The following MCEMP1 variants were observed in gnomAD, a reference collection of about 807,000 sequenced individuals.
MCEMP1 encodes mast cell expressed membrane protein 1.
Under a neutral mutation model 27.9 loss-of-function variants are expected in MCEMP1, and 17 were observed. The ratio of observed to expected loss-of-function variants is 0.61; its 90% CI spans 0.42 to 0.91. MCEMP1 has a LOEUF of 0.91. MCEMP1 is among the 40% of genes least tolerant of loss of function. The probability of loss-of-function intolerance (pLI) is 0.00; values close to 1 mark genes in which losing one functional copy is unlikely to be tolerated. For missense variants in MCEMP1, 200 were observed against 204.8 expected, an observed-to-expected ratio of 0.98 and a Z score of 0.14; for synonymous variants, 88 against 76.9, an observed-to-expected ratio of 1.14 and a Z score of -0.76.
In MCEMP1 at chr19:7,677,163, G is replaced by T; in HGVS notation, c.43G>T (p.Ala15Ser). The change falls in exon 1 of 7, where the codon GCC becomes TCC. Residue 15 changes from alanine (A) to serine (S), a missense_variant. Transcript: ENST00000333598. The surrounding 1 kb of genome is among the most constrained non-coding windows in gnomAD (Gnocchi z 4.6). Reference sequence around the variant, plus strand: ...CAGGGACAAGAAACAGGGGGTCTCAGCCAAGAATCAAGGTTAGGGAACTCG... The same window carrying T: ...CAGGGACAAGAAACAGGGGGTCTCATCCAAGAATCAAGGTTAGGGAACTCG... ...AFRDKKQGVS[A>S]KNQGAHDPDY... is the part of the protein sequence containing the mutation. 1 of 1,591,518 alleles carries T rather than the reference G, an allele frequency of 6.3e-7. No individual in the cohort carries two copies. The highest frequency in any genetic ancestry group is 2.3e-5 in the East Asian group (1 of 43,544).
At position 7,678,235 on chromosome 19, in the gene MCEMP1, G is replaced by A. The variant is rs1260114060; in HGVS notation, c.277G>A (p.Val93Met). 6.2e-7 allele frequency: 1 copy of A among 1,613,940 alleles called. No individual in the cohort carries two copies. The highest frequency in any genetic ancestry group is 8.5e-7 in the Non-Finnish European group (1 of 1,179,996). Reference protein sequence around the residue: ...LCIILSAFIMVKNAEMSKELL... With the variant: ...LCIILSAFIMMKNAEMSKELL... ...CATCATCCTGTCAGCCTTCATCATG[G>A]TGAAGAGTGAGTACTTCTTGGGAGG... Residue 93 changes from valine (V) to methionine (M), a missense_variant, in exon 3 of 7, where the codon GTG becomes ATG. Coordinates refer to ENST00000333598, the MANE Select transcript of MCEMP1 (RefSeq NM_174918.3). This position sits in a 1 kb window ranked among gnomAD's most constrained non-coding sequence, Gnocchi z 4.8.
At position 7,677,331 on chromosome 19, in the gene MCEMP1, ACT is replaced by A. The variant is rs1356878189; in HGVS notation, c.55+159_55+160del. On this transcript the variant is annotated intron_variant, in intron 1 of 6. Transcript: ENST00000333598. This position sits in a 1 kb window ranked among gnomAD's most constrained non-coding sequence, Gnocchi z 4.6. ...AGACTGGCCTGGGCAACATAGGGAG[ACT>A]CTGTCTGTAAAAAATAAAAATAAAA... Among the ~76,000 whole-genome samples the A allele has an allele frequency of 6.6e-6, 1 of 150,472 alleles. No homozygotes were observed. The highest frequency in any genetic ancestry group is 1.5e-5 in the Non-Finnish European group (1 of 67,696).
Position 7,677,589 on chromosome 19 carries a change from C to G in MCEMP1, c.56-48C>G. 1 of 1,516,192 alleles carries G rather than the reference C, an allele frequency of 6.6e-7. No individual in the cohort carries two copies. The highest frequency in any genetic ancestry group is 1.1e-5 in the South Asian group (1 of 89,050). 93.9% of individuals were successfully genotyped at this position (1,516,192 alleles called of 1,614,324 possible). ...GGTTGGGTAAAACAAGATCCCGGAT[C>G]CACTCTCCACACCACAGAGCTCTGA... On this transcript the variant is annotated intron_variant, in intron 1 of 6. Transcript: ENST00000333598. The surrounding 1 kb of genome is among the most constrained non-coding windows in gnomAD (Gnocchi z 4.6).
chr19:7,679,296 G>A lies in MCEMP1; in HGVS notation c.*182G>A. ...GAGTTGCTCGTGTGTGTGTACACCT[G>A]CGTGCGTGTGTGTGCGTGTGTGCGC... On this transcript the variant is annotated 3_prime_UTR_variant, in exon 7 of 7. Coordinates refer to ENST00000333598, the MANE Select transcript of MCEMP1 (RefSeq NM_174918.3). The surrounding 1 kb of genome is among the most constrained non-coding windows in gnomAD (Gnocchi z 4.9). 1.4e-6 allele frequency: 1 copy of A among 731,252 alleles called. No individual in the cohort carries two copies. Among genetic ancestry groups the A allele is most frequent in the Non-Finnish European group, 2.2e-6 (1 of 448,320 alleles). 45.3% of individuals were successfully genotyped at this position (731,252 alleles called of 1,614,324 possible).
Position 7,678,869 on chromosome 19 carries a change from AG to A in MCEMP1, c.449-53del. 1 of 1,483,636 alleles carries A rather than the reference AG, an allele frequency of 6.7e-7. No individual in the cohort carries two copies. Among genetic ancestry groups the A allele is most frequent in the South Asian group, 1.2e-5 (1 of 80,562 alleles). The allele number at this position is 1,483,636 out of a possible 1,614,324, so 91.9% of individuals were successfully genotyped here. On this transcript the variant is annotated intron_variant, in intron 5 of 6. Transcript: ENST00000333598. This position sits in a 1 kb window ranked among gnomAD's most constrained non-coding sequence, Gnocchi z 4.8. The stretch of plus-strand genomic sequence containing the variant: ...CCAAGGAAGGTGGGGGCTTTGTTTG[AG>A]GCTCCACCGCAGCTTGACTTATCTG...
In MCEMP1 at chr19:7,677,691, A is replaced by T. The variant is rs1260942170; in HGVS notation, c.110A>T (p.His37Leu). Residue 37 changes from histidine to leucine, a missense_variant, in exon 2 of 7, where the codon CAT becomes CTT. Transcript: ENST00000333598. The surrounding 1 kb of genome is among the most constrained non-coding windows in gnomAD (Gnocchi z 4.6). The stretch of plus-strand genomic sequence containing the variant: ...ACCTTGGCCTTCAAAAATCAGGACC[A>T]TGCAAAGGGTGGTCATTCACGACCC... The part of the protein sequence containing the change: ...NITLAFKNQD[H>L]AKGGHSRPTS... The T allele has an allele frequency of 6.2e-7, 1 of 1,612,708 alleles. No individual in the cohort carries two copies. Among genetic ancestry groups the T allele is most frequent in the African/African-American group, 1.3e-5 (1 of 74,862 alleles).
Position 7,679,311 on chromosome 19 carries a change from C to T in MCEMP1, c.*197C>T, listed in dbSNP as rs150036277. 3.6e-3 allele frequency: 2,303 copies of T among 639,020 alleles called. 6 individuals are homozygous for T. The highest frequency in any genetic ancestry group is 4.8e-3 in the Non-Finnish European group (1,782 of 372,920). 39.6% of individuals were successfully genotyped at this position (639,020 alleles called of 1,614,324 possible). ...GTGTACACCTGCGTGCGTGTGTGTG[C>T]GTGTGTGCGCGTGTGTTCGTGTATG... On this transcript the variant is annotated 3_prime_UTR_variant, in exon 7 of 7. Coordinates refer to ENST00000333598, the MANE Select transcript of MCEMP1 (RefSeq NM_174918.3). This position sits in a 1 kb window ranked among gnomAD's most constrained non-coding sequence, Gnocchi z 4.9.
At position 7,678,302 on chromosome 19, in the gene MCEMP1, C is replaced by T. The variant is rs562965704; in HGVS notation, c.284-48C>T. On this transcript the variant is annotated intron_variant, in intron 3 of 6. Coordinates refer to ENST00000333598, the MANE Select transcript of MCEMP1 (RefSeq NM_174918.3). The surrounding 1 kb of genome is among the most constrained non-coding windows in gnomAD (Gnocchi z 4.8). ...TAGACTTTCTCCCTTGTCCTTCTCT[C>T]TCTCTCTCCCTGGGTGCTTCAAGGA... 15 of 1,613,930 alleles carry T rather than the reference C, an allele frequency of 9.3e-6. No individual in the cohort carries two copies. The East Asian group carries it at 3.3e-4, about 36-fold the overall frequency.
In MCEMP1 at chr19:7,677,888, T is replaced by G. The variant is rs912830954; in HGVS notation, c.145+162T>G. The G allele has an allele frequency of 1.1e-5, 11 of 1,011,284 alleles. No individual in the cohort carries two copies. Among genetic ancestry groups the G allele is most frequent in the Non-Finnish European group, 1.6e-5 (11 of 677,384 alleles). The allele number at this position is 1,011,284 out of a possible 1,614,324, so 62.6% of individuals were successfully genotyped here. The stretch of plus-strand genomic sequence containing the variant: ...TGAGGTCTGTTGATGATGACAATGT[T>G]GGGGAATGCTGGAGAGGGGGTCTGT... On this transcript the variant is annotated intron_variant, in intron 2 of 6. Transcript: ENST00000333598. The surrounding 1 kb of genome is among the most constrained non-coding windows in gnomAD (Gnocchi z 4.6).
rs770333214 is a variant in MCEMP1 at position 7,678,310 on chromosome 19, C to A, written c.284-40C>A. 12 of 1,613,972 alleles carry A rather than the reference C, an allele frequency of 7.4e-6. No individual in the cohort carries two copies. The South Asian group carries it at 1.2e-4, about 16-fold the overall frequency. On this transcript the variant is annotated intron_variant, in intron 3 of 6. Transcript: ENST00000333598. The surrounding 1 kb of genome is among the most constrained non-coding windows in gnomAD (Gnocchi z 4.8). ...CTCCCTTGTCCTTCTCTCTCTCTCTCCCTGGGTGCTTCAAGGATTTTCCTG... is the reference window on the plus strand; with the variant it reads ...CTCCCTTGTCCTTCTCTCTCTCTCTACCTGGGTGCTTCAAGGATTTTCCTG...
chr19:7,679,457 G>T lies in MCEMP1; in HGVS notation c.*343G>T. ...CAGTGAATGTGGCATGCATGCCTGTGTCATGTGACATATGTGAGTCTCGGC... is the reference window on the plus strand; with the variant it reads ...CAGTGAATGTGGCATGCATGCCTGTTTCATGTGACATATGTGAGTCTCGGC... On this transcript the variant is annotated 3_prime_UTR_variant, in exon 7 of 7. Coordinates refer to ENST00000333598, the MANE Select transcript of MCEMP1 (RefSeq NM_174918.3). The surrounding 1 kb of genome is among the most constrained non-coding windows in gnomAD (Gnocchi z 4.9). The T allele has an allele frequency of 3.1e-6, 1 of 327,598 alleles. No individual in the cohort carries two copies. Among genetic ancestry groups the T allele is most frequent in the Non-Finnish European group, 5.6e-6 (1 of 178,832 alleles). The allele number at this position is 327,598 out of a possible 1,614,324, so 20.3% of individuals were successfully genotyped here.
Position 7,678,910 on chromosome 19 carries a change from TC to T in MCEMP1, c.449-10del, listed in dbSNP as rs1323276280. ...TGACTTATCTGTTCCCACCCAACCC[TC>T]CCCGCCCCCTAGGCATAAAAAACAT... On this transcript the variant is annotated splice_polypyrimidine_tract_variant and intron_variant, in intron 5 of 6. Transcript: ENST00000333598. The surrounding 1 kb of genome is among the most constrained non-coding windows in gnomAD (Gnocchi z 4.8). 2.8e-6 allele frequency: 2 copies of T among 715,142 alleles called. No individual in the cohort carries two copies. The highest frequency in any genetic ancestry group is 4.4e-6 in the Non-Finnish European group (2 of 453,340). The allele number at this position is 715,142 out of a possible 1,614,324, so 44.3% of individuals were successfully genotyped here.
chr19:7,678,343 TG>T lies in MCEMP1; in HGVS notation c.284-6del, dbSNP rs760942276. The T allele has an allele frequency of 1.9e-6, 3 of 1,614,110 alleles. No individual in the cohort carries two copies. The highest frequency in any genetic ancestry group is 1.3e-5 in the African/African-American group (1 of 75,006). On this transcript the variant is annotated splice_region_variant and splice_polypyrimidine_tract_variant and intron_variant, in intron 3 of 6. Coordinates refer to ENST00000333598, the MANE Select transcript of MCEMP1 (RefSeq NM_174918.3). This position sits in a 1 kb window ranked among gnomAD's most constrained non-coding sequence, Gnocchi z 4.8. ...GCTTCAAGGATTTTCCTGCCCCTCC[TG>T]AACAGATGCTGAGATGTCCAAGGAG...
At position 7,678,829 on chromosome 19, in the gene MCEMP1, G is replaced by T. The variant is rs936577119; in HGVS notation, c.449-95G>T. ...TGCTGTACCCCAGGGTGGGTGTGGG[G>T]CAGGGGGGGTGCTTCCAAGGAAGGT... On this transcript the variant is annotated intron_variant, in intron 5 of 6. Transcript: ENST00000333598. The surrounding 1 kb of genome is among the most constrained non-coding windows in gnomAD (Gnocchi z 4.8). The T allele has an allele frequency of 6.0e-5, 79 of 1,317,052 alleles. No homozygotes were observed. The highest frequency in any genetic ancestry group is 8.0e-5 in the Non-Finnish European group (76 of 951,254). 81.6% of individuals were successfully genotyped at this position (1,317,052 alleles called of 1,614,324 possible).
In MCEMP1 at chr19:7,677,777, TG is replaced by T; in HGVS notation, c.145+54del. On this transcript the variant is annotated intron_variant, in intron 2 of 6. Coordinates refer to ENST00000333598, the MANE Select transcript of MCEMP1 (RefSeq NM_174918.3). The surrounding 1 kb of genome is among the most constrained non-coding windows in gnomAD (Gnocchi z 4.6). ...TCCCATCACCTTGGGAAGGGGCAGG[TG>T]GGCGGGCAACTGCAGGGCCCCCGGG... 6.7e-7 allele frequency: 1 copy of T among 1,495,902 alleles called. No homozygotes were observed. The highest frequency in any genetic ancestry group is 9.0e-7 in the Non-Finnish European group (1 of 1,108,590). 92.7% of individuals were successfully genotyped at this position (1,495,902 alleles called of 1,614,324 possible). A position where few individuals can be genotyped will look rare whatever the true frequency, so the allele number is the denominator to read the frequency against.
Position 7,678,897 on chromosome 19 carries a change from T to TTCCCCCCCCCC in MCEMP1, c.449-27_449-26insTCCCCCCCCCC. The TTCCCCCCCCCC allele has an allele frequency of 2.0e-6, 2 of 993,958 alleles. No homozygotes were observed. The highest frequency in any genetic ancestry group is 3.1e-6 in the Non-Finnish European group (2 of 644,788). The allele number at this position is 993,958 out of a possible 1,614,324, so 61.6% of individuals were successfully genotyped here. ...CTCCACCGCAGCTTGACTTATCTGTTCCCACCCAACCCTCCCCGCCCCCTA... is the reference window on the plus strand; with the variant it reads ...CTCCACCGCAGCTTGACTTATCTGTTTCCCCCCCCCCCCCACCCAACCCTCCCCGCCCCCTA... On this transcript the variant is annotated intron_variant, in intron 5 of 6. Coordinates refer to ENST00000333598, the MANE Select transcript of MCEMP1 (RefSeq NM_174918.3). This position sits in a 1 kb window ranked among gnomAD's most constrained non-coding sequence, Gnocchi z 4.8.
In MCEMP1 at chr19:7,679,738, A is replaced by C. The variant is rs2032602574; in HGVS notation, c.*624A>C. Reference sequence around the variant, plus strand: ...CATTATGAGTGTGCCGAGTTATGCCACCCTGTGTGCTCAGGGCACATGCAC... The same window carrying C: ...CATTATGAGTGTGCCGAGTTATGCCCCCCTGTGTGCTCAGGGCACATGCAC... On this transcript the variant is annotated 3_prime_UTR_variant, in exon 7 of 7. Transcript: ENST00000333598. The surrounding 1 kb of genome is among the most constrained non-coding windows in gnomAD (Gnocchi z 4.9). The C allele has an allele frequency of 1.3e-5, 2 of 152,082 alleles. No homozygotes were observed. The highest frequency in any genetic ancestry group is 4.8e-5 in the African/African-American group (2 of 41,346). The allele number at this position is 152,082 out of a possible 1,614,324, so 9.4% of individuals were successfully genotyped here.
chr19:7,679,281 T>C lies in MCEMP1; in HGVS notation c.*167T>C, dbSNP rs774351977. The C allele has an allele frequency of 1.5e-5, 13 of 841,964 alleles. No individual in the cohort carries two copies. Among genetic ancestry groups the C allele is most frequent in the Non-Finnish European group, 2.4e-5 (13 of 546,878 alleles). 52.2% of individuals were successfully genotyped at this position (841,964 alleles called of 1,614,324 possible). On this transcript the variant is annotated 3_prime_UTR_variant, in exon 7 of 7. Transcript: ENST00000333598. The surrounding 1 kb of genome is among the most constrained non-coding windows in gnomAD (Gnocchi z 4.9). ...TGAATGAGTGTCTCGGAGTTGCTCG[T>C]GTGTGTGTACACCTGCGTGCGTGTG... is the stretch of plus-strand genomic sequence containing the variant.
rs188146966 is a variant in MCEMP1, at chr19:7,679,321, C to T, written c.*207C>T. The stretch of plus-strand genomic sequence containing the variant: ...GCGTGCGTGTGTGTGCGTGTGTGCG[C>T]GTGTGTTCGTGTATGTGCGTGTGTG... On this transcript the variant is annotated 3_prime_UTR_variant, in exon 7 of 7. Coordinates refer to ENST00000333598, the MANE Select transcript of MCEMP1 (RefSeq NM_174918.3). The surrounding 1 kb of genome is among the most constrained non-coding windows in gnomAD (Gnocchi z 4.9). The T allele has an allele frequency of 1.5e-4, 94 of 621,098 alleles. No homozygotes were observed. Among genetic ancestry groups the T allele is most frequent in the East Asian group, 7.4e-4 (26 of 34,982 alleles). The allele number at this position is 621,098 out of a possible 1,614,324, so 38.5% of individuals were successfully genotyped here.
Sources: allele counts gnomAD v4.1 joint callset (sites outside exome capture counted in the v4.1 genomes callset), GRCh38; gene constraint gnomAD v4.1.1; non-coding constraint Gnocchi (gnomAD v3.1); transcripts MANE v1.5; gene names NCBI Gene and HGNC (gene_info 2026-07-23, HGNC 2026-07-21).